Variants in ANKH observed in about 807,000 individuals in gnomAD.
ANKH encodes ANKH inorganic pyrophosphate transport regulator.
In ANKH, 15 loss-of-function variants were observed where a neutral mutation model predicts 49.0. That is an observed-to-expected ratio of 0.31 (90% CI 0.20 to 0.47). The LOEUF is 0.47. Among genes scored for constraint, ANKH ranks in the 20% least tolerant of loss-of-function variants. The probability of loss-of-function intolerance (pLI) is 1.00; values close to 1 mark genes in which losing one functional copy is unlikely to be tolerated. For synonymous variants in ANKH, 273 were observed against 260.0 expected (o/e 1.05, Z -0.48); for missense variants, 429 against 652.0 (o/e 0.66, Z 3.72).
intron 1 of ANKH, among the ~76,000 whole-genome samples, chr5:14,836,262 G>A (rs576988380): frequency 1.3e-5 from 2 of 152,228 alleles, no homozygotes; most frequent in East Asian, 3.9e-4. Context: ...TGGAAGTTCT[G>A]GCCAGAGCAA....
intron 1 of ANKH, among the ~76,000 whole-genome samples, chr5:14,840,294 A>G (rs1485589608): frequency 6.6e-6 from 1 of 152,202 alleles, no homozygotes; most frequent in Non-Finnish European, 1.5e-5. Context: ...TTCAAGATAT[A>G]GTTTAAAGAT....
At chr5:14,829,072 T>G (rs775107172) in intron 1 of ANKH, among the ~76,000 whole-genome samples, 1 of 151,088 alleles carries the variant, frequency 6.6e-6, no homozygotes, top group African/African-American at 2.4e-5. Context: ...TAATCCCAGC[T>G]ACTCGGGAGG....
intron 4 of ANKH, among the ~76,000 whole-genome samples, chr5:14,753,365 G>A (rs575191342): frequency 6.6e-5 from 10 of 152,304 alleles, no homozygotes; most frequent in African/African-American, 1.7e-4. Context: ...GAAGCACCGC[G>A]CAATTGGAGG....
chr5:14,751,555 G>A (rs1243480104), intron 4 of ANKH, among the ~76,000 whole-genome samples: 4 of 152,084 alleles, frequency 2.6e-5, no homozygotes, highest in African/African-American at 9.7e-5. Flanking sequence ...TATGTTTTCA[G>A]GAATCCCTTG....
At chr5:14,795,438 T>C (rs908826598) in intron 1 of ANKH, among the ~76,000 whole-genome samples, 14 of 152,144 alleles carry the variant, frequency 9.2e-5, no homozygotes, top group East Asian at 1.9e-4. Flanking sequence ...GTTAAAATAA[T>C]CCCCAAATCA....
At chr5:14,742,846 T>C (rs917554736) in intron 7 of ANKH, among the ~76,000 whole-genome samples, 1 of 152,258 alleles carries the variant, frequency 6.6e-6, no homozygotes. Flanking sequence ...GCTCTCCAGC[T>C]GCACTGCTAA....
chr5:14,808,057 C>T (rs947194604), intron 1 of ANKH, among the ~76,000 whole-genome samples: 1 of 152,114 alleles, frequency 6.6e-6, no homozygotes, highest in Non-Finnish European at 1.5e-5. Flanking sequence ...ATCAGTGCTA[C>T]CTTGCACTTC....
Position 14,713,868 on chromosome 5 carries a change from C to T in ANKH, c.1142-201G>A, listed in dbSNP as rs1459921791. ...CTAGGCCCGCCTCGGCTCCCCGCCT[C>T]CTCACAGCCCTTTGGATCTAAATGG... On this transcript the variant is annotated intron_variant, in intron 9 of 11. Transcript: ENST00000284268. This position sits in a 1 kb window ranked among gnomAD's most constrained non-coding sequence, Gnocchi z 4.4. Among the ~76,000 whole-genome samples the T allele has an allele frequency of 6.6e-6, 1 of 152,250 alleles. No individual in the cohort carries two copies. Among genetic ancestry groups the T allele is most frequent in the Non-Finnish European group, 1.5e-5 (1 of 68,044 alleles).
intron 8 of ANKH, among the ~76,000 whole-genome samples, chr5:14,736,123 C>T (rs974883748): frequency 6.8e-6 from 1 of 147,942 alleles, no homozygotes; most frequent in Non-Finnish European, 1.5e-5. Context: ...GTTTGATTGG[C>T]ACACTGTGCC....
intron 8 of ANKH, among the ~76,000 whole-genome samples, chr5:14,738,760 A>C: frequency 6.6e-6 from 1 of 151,810 alleles, no homozygotes; most frequent in South Asian, 2.1e-4. Context: ...AAAAAAAAAA[A>C]CCCAAAACCA....
At position 14,713,540 on chromosome 5, in the gene ANKH, A is replaced by G. The variant is rs944444848; in HGVS notation, c.1265+4T>C. On this transcript the variant is annotated splice_donor_region_variant and intron_variant, in intron 10 of 11. Transcript: ENST00000284268. The surrounding 1 kb of genome is among the most constrained non-coding windows in gnomAD (Gnocchi z 4.4). ...CCACAGCCCCAAACTCCCTGACAAC[A>G]TACCCCAGGTAGGGTAGGACCACGA... is the stretch of plus-strand genomic sequence containing the variant. The G allele has an allele frequency of 1.9e-6, 3 of 1,614,100 alleles. No homozygotes were observed. In the Admixed American group the frequency reaches 5.0e-5, roughly 27 times the overall value.
In ANKH at chr5:14,871,582, G is replaced by T. The variant is rs1433658511; in HGVS notation, c.-135C>A. The T allele has an allele frequency of 3.5e-6, 1 of 287,274 alleles. No individual in the cohort carries two copies. The highest frequency in any genetic ancestry group is 2.3e-5 in the African/African-American group (1 of 43,626). 17.8% of individuals were successfully genotyped at this position (287,274 alleles called of 1,614,324 possible). ...CCGCGGGCGGCGGGGCCTCGGGCGC[G>T]GCGGCGGCGGCTCCTCCTCGCGGCT... is the stretch of plus-strand genomic sequence containing the variant. On this transcript the variant is annotated 5_prime_UTR_variant, in exon 1 of 12. Transcript: ENST00000284268.
chr5:14,777,200 T>C (rs144839954), intron 1 of ANKH, among the ~76,000 whole-genome samples: 184 of 152,226 alleles, frequency 1.2e-3, no homozygotes, highest in Middle Eastern at 6.8e-3. Context: ...GCAGAAAAAT[T>C]GCTTGAACAC....
chr5:14,717,055 C>A (rs1328129829), intron 8 of ANKH: 1 of 538,900 alleles, frequency 1.9e-6, no homozygotes, highest in African/African-American at 1.9e-5. Context: ...AGGGGACCCC[C>A]ACGGCAGAGC....
At chr5:14,714,979 T>C (rs1737389759) in intron 9 of ANKH, among the ~76,000 whole-genome samples, 1 of 152,240 alleles carries the variant, frequency 6.6e-6, no homozygotes, top group Admixed American at 6.5e-5. Context: ...TGGTTCGCCC[T>C]GTGTCTACCC....
intron 1 of ANKH, among the ~76,000 whole-genome samples, chr5:14,814,527 GC>G (rs1429153824): frequency 6.6e-6 from 1 of 152,162 alleles, no homozygotes; most frequent in African/African-American, 2.4e-5. Context: ...GATGGCTTGA[GC>G]CTGGGAGGTT....
In ANKH at chr5:14,831,896, A is replaced by T. The variant is rs555528563; in HGVS notation, c.96+39456T>A. 7.2e-5 allele frequency among the ~76,000 whole-genome samples: 11 copies of T among 152,346 alleles called. 1 individual carries two copies. The South Asian group carries it at 8.3e-4, about 11-fold the overall frequency. On this transcript the variant is annotated intron_variant, in intron 1 of 11. Coordinates refer to ENST00000284268, the MANE Select transcript of ANKH (RefSeq NM_054027.6). ...TCACCAAATTAAATTATTAAGAAAGATAAGGAAGATGAATGAACTTTCAGG... is the reference window on the plus strand; with the variant it reads ...TCACCAAATTAAATTATTAAGAAAGTTAAGGAAGATGAATGAACTTTCAGG...
chr5:14,805,468 C>CAT (rs76757382), intron 1 of ANKH, among the ~76,000 whole-genome samples: 82,560 of 133,504 alleles, frequency 0.62, 25,929 homozygotes, highest in East Asian at 0.84. Flanking sequence ...TGTACACACA[C>CAT]ATATATGTTT....
At chr5:14,847,901 G>C (rs528035947) in intron 1 of ANKH, among the ~76,000 whole-genome samples, 68 of 152,322 alleles carry the variant, frequency 4.5e-4, no homozygotes, top group Admixed American at 1.1e-3. Context: ...CCAACACTTT[G>C]GGAAGCTGAG....
Sources: allele counts gnomAD v4.1 joint callset (sites outside exome capture counted in the v4.1 genomes callset), GRCh38; gene constraint gnomAD v4.1.1; non-coding constraint Gnocchi (gnomAD v3.1); transcripts MANE v1.5; gene names NCBI Gene and HGNC (gene_info 2026-07-23, HGNC 2026-07-21).